The following MYH10 variants were observed in gnomAD, a reference collection of about 807,000 sequenced individuals.
MYH10 encodes the protein myosin heavy chain 10, also known as myosin-10.
Under a neutral mutation model 257.8 loss-of-function variants are expected in MYH10, and 55 were observed. That is an observed-to-expected ratio of 0.21 (90% CI 0.17 to 0.27). The LOEUF is 0.27. Ranked by LOEUF, MYH10 falls within the 10% of genes least tolerant of loss-of-function variation. The pLI, the probability that MYH10 is intolerant of heterozygous loss-of-function variation, is 1.00. For synonymous variants in MYH10, 854 were observed against 921.7 expected (o/e 0.93, Z 1.33); for missense variants, 1,631 against 2,500.6 (o/e 0.65, Z 7.42).
Position 8,517,452 on chromosome 17 carries a change from AT to A in MYH10, c.2504+1178del, listed in dbSNP as rs200914866. Among the ~76,000 whole-genome samples, 1,242 of 152,332 alleles carry A rather than the reference AT, an allele frequency of 8.2e-3. 21 individuals carry two copies. Among genetic ancestry groups the A allele is most frequent in the African/African-American group, 0.027 (1,135 of 41,568 alleles). On this transcript the variant is annotated intron_variant, in intron 21 of 42. Coordinates refer to ENST00000360416, the MANE Select transcript of MYH10 (RefSeq NM_001256012.3). ...ATTCTGTTTGCTCAAAACTGTCTGGATGGCAAACTATTCAACCTGTCTCAAA... is the reference window on the plus strand; with the variant it reads ...ATTCTGTTTGCTCAAAACTGTCTGGAGGCAAACTATTCAACCTGTCTCAAA...
In MYH10 at chr17:8,545,138, A is replaced by T. The variant is rs2082406068; in HGVS notation, c.1431+310T>A. Among the ~76,000 whole-genome samples the T allele has an allele frequency of 6.6e-6, 1 of 152,230 alleles. No individual in the cohort carries two copies. Among genetic ancestry groups the T allele is most frequent in the Non-Finnish European group, 1.5e-5 (1 of 68,044 alleles). On this transcript the variant is annotated intron_variant, in intron 13 of 42. Transcript: ENST00000360416. The surrounding 1 kb of genome is among the most constrained non-coding windows in gnomAD (Gnocchi z 4.7). ...CAGGACCACTGGAATTACTCTCATT[A>T]TGCCGGGAAACTGACCGAGGCTGGC...
intron 6 of MYH10, among the ~76,000 whole-genome samples, chr17:8,570,270 T>C (rs1478709983): frequency 6.6e-6 from 1 of 152,150 alleles, no homozygotes; most frequent in Non-Finnish European, 1.5e-5. Context: ...TTCCAAGGAG[T>C]TTCATATACT....
intron 7 of MYH10, among the ~76,000 whole-genome samples, chr17:8,566,318 T>C (rs2083166388): frequency 6.6e-6 from 1 of 152,164 alleles, no homozygotes; most frequent in Admixed American, 6.5e-5. Context: ...CACAGTTCCC[T>C]CCCACACAGT....
At chr17:8,512,197 A>G (rs1216801900) in intron 24 of MYH10, among the ~76,000 whole-genome samples, 1 of 152,218 alleles carries the variant, frequency 6.6e-6, no homozygotes, top group Non-Finnish European at 1.5e-5. Flanking sequence ...GCGACTGTGA[A>G]TCTCTTTGCA....
chr17:8,510,727 C>G (rs139344504), intron 24 of MYH10, among the ~76,000 whole-genome samples: 1 of 151,904 alleles, frequency 6.6e-6, no homozygotes, highest in Non-Finnish European at 1.5e-5. Context: ...TATACATGTT[C>G]GGCCAAAGAA....
chr17:8,542,143 C>G lies in MYH10; in HGVS notation c.1569G>C (p.Leu523=), dbSNP rs765529336. 1.9e-6 allele frequency: 3 copies of G among 1,614,128 alleles called. No individual in the cohort carries two copies. The East Asian group carries it at 6.7e-5, about 36-fold the overall frequency. The stretch of plus-strand genomic sequence containing the variant: ...TTAGGTCGATGCATGGCTGCAGATC[C>G]AGCCCGAAATCGATGAAGTTCCACT... The part of the protein sequence containing the change: ...GIEWNFIDFG[L]DLQPCIDLIE... Residue 523 remains leucine (L), a synonymous_variant, in exon 14 of 43, where the codon CTG becomes CTC. Coordinates refer to ENST00000360416, the MANE Select transcript of MYH10 (RefSeq NM_001256012.3).
Position 8,541,937 on chromosome 17 carries a change from G to A in MYH10, c.1605+170C>T, listed in dbSNP as rs1416317058. ...AGAAGGGTTTTACTGGCATGCTACT[G>A]ACTTTTAAATTCTGTAGCTATTTTA... On this transcript the variant is annotated intron_variant, in intron 14 of 42. Transcript: ENST00000360416. The A allele has an allele frequency of 8.0e-6, 5 of 622,094 alleles. No homozygotes were observed. In the East Asian group the frequency reaches 8.8e-5, roughly 11 times the overall value. The allele number at this position is 622,094 out of a possible 1,614,324, so 38.5% of individuals were successfully genotyped here.
At chr17:8,591,037 T>C (rs1179214491) in intron 3 of MYH10, among the ~76,000 whole-genome samples, 1 of 151,864 alleles carries the variant, frequency 6.6e-6, no homozygotes, top group Non-Finnish European at 1.5e-5. Context: ...CACGCCCGGC[T>C]AATTTTTTGT....
At chr17:8,614,494 T>C (rs897557557) in intron 2 of MYH10, among the ~76,000 whole-genome samples, 1 of 151,930 alleles carries the variant, frequency 6.6e-6, no homozygotes, top group African/African-American at 2.4e-5. Flanking sequence ...AATTTTTGTA[T>C]TTTTAGTAGA....
At chr17:8,505,216 T>A (rs2081035978) in intron 27 of MYH10, among the ~76,000 whole-genome samples, 1 of 152,372 alleles carries the variant, frequency 6.6e-6, no homozygotes, top group Middle Eastern at 3.4e-3. Context: ...CCTTAGAATA[T>A]GAAAACATTT....
chr17:8,523,756 A>G (rs965792989), intron 17 of MYH10, among the ~76,000 whole-genome samples: 3 of 152,228 alleles, frequency 2.0e-5, no homozygotes, highest in Admixed American at 6.5e-5. Flanking sequence ...AGACAGATCG[A>G]GAAGGAAGAT....
intron 37 of MYH10, 80 bp from the exon 38 acceptor site, chr17:8,481,490 G>C: frequency 7.9e-7 from 1 of 1,263,416 alleles, no homozygotes; most frequent in African/African-American, 1.5e-5. Flanking sequence ...TGGAGCTACA[G>C]CGACCTTGCT....
At chr17:8,513,992 C>T (rs2081380987) in intron 21 of MYH10, 98 bp from the exon 22 acceptor site, 2 of 1,030,186 alleles carry the variant, frequency 1.9e-6, no homozygotes. Flanking sequence ...TCTTCTTTGT[C>T]TAGGATAGGG....
At chr17:8,533,561 GT>G (rs2151929303) in intron 16 of MYH10, among the ~76,000 whole-genome samples, 1 of 152,326 alleles carries the variant, frequency 6.6e-6, no homozygotes, top group South Asian at 2.1e-4. Context: ...TCATAAATTA[GT>G]GCTGAAAACA....
rs1175966336 is a variant in MYH10, at chr17:8,620,300, A to T, written c.345+2602T>A. 3.9e-5 allele frequency among the ~76,000 whole-genome samples: 6 copies of T among 152,368 alleles called. No individual in the cohort carries two copies. In the South Asian group the frequency reaches 1.0e-3, roughly 26 times the overall value. On this transcript the variant is annotated intron_variant, in intron 2 of 42. Transcript: ENST00000360416. ...ATCAACATTTTGAAATTTTACAAAT[A>T]CACTTTTAAATGGTTCACTAAAGGA...
In MYH10 at chr17:8,511,071, T is replaced by TATAC. The variant is rs1336387130; in HGVS notation, c.2953-1123_2953-1122insGTAT. 735 of 82,150 alleles carry TATAC rather than the reference T, an allele frequency of 8.9e-3. 27 individuals carry two copies. The highest frequency in any genetic ancestry group is 0.031 in the East Asian group (59 of 1,876). The allele number at this position is 82,150 out of a possible 1,614,324, so 5.1% of individuals were successfully genotyped here. On this transcript the variant is annotated intron_variant, in intron 24 of 42. Coordinates refer to ENST00000360416, the MANE Select transcript of MYH10 (RefSeq NM_001256012.3). ...ATATATATATATATACACACATACA[T>TATAC]ACATACACACACACACACTTAATAT...
chr17:8,479,538 C>T (rs1913306468), intron 40 of MYH10, among the ~76,000 whole-genome samples: 2 of 152,144 alleles, frequency 1.3e-5, no homozygotes, highest in Admixed American at 1.3e-4. Flanking sequence ...GGGGAGGATG[C>T]AGGGTTCTGG....
At chr17:8,511,015 C>CATATATAT (rs56144668) in intron 24 of MYH10, 48 of 120,494 alleles carry the variant, frequency 4.0e-4, no homozygotes, top group African/African-American at 1.6e-3. Flanking sequence ...TCATGTACCC[C>CATATATAT]ATATATATAT....
intron 17 of MYH10, among the ~76,000 whole-genome samples, chr17:8,528,697 C>T (rs2081928954): frequency 6.6e-6 from 1 of 152,174 alleles, no homozygotes; most frequent in Admixed American, 6.5e-5. Context: ...ATTTGGATCC[C>T]TAGAAACTCC....
Sources: gnomAD v4.1 joint callset for allele counts (sites outside exome capture counted in the v4.1 genomes callset) on GRCh38, gnomAD v4.1.1 for gene constraint, Gnocchi (gnomAD v3.1) non-coding constraint, MANE v1.5 for transcripts, NCBI Gene and HGNC (gene_info 2026-07-23, HGNC 2026-07-21) for gene names.